SASH1: variants seen among roughly 807,000 people sequenced by gnomAD.
The protein encoded by SASH1 is SAM and SH3 domain-containing protein 1.
A neutral mutation model predicts 125.2 loss-of-function variants in SASH1; 44 were observed. The observed-to-expected ratio is 0.35, with a 90% CI of 0.28 to 0.45. The LOEUF is 0.45. Ranked by LOEUF, SASH1 falls within the 20% of genes least tolerant of loss-of-function variation. The pLI, the probability that SASH1 is intolerant of heterozygous loss-of-function variation, is 1.00. For synonymous variants in SASH1, 639 were observed against 649.1 expected (o/e 0.98, Z 0.24); for missense variants, 1,426 against 1,614.5 (o/e 0.88, Z 2.00).
Position 148,549,636 on chromosome 6 carries a change from GT to G in SASH1, c.*1082del. ...TAATAAGGGAAGTCATGTATAAGAT[GT>G]TTTCTAAAAGACTTTTCAGTATTAC... On this transcript the variant is annotated 3_prime_UTR_variant, in exon 20 of 20. Coordinates refer to ENST00000367467, the MANE Select transcript of SASH1 (RefSeq NM_015278.5). The G allele has an allele frequency of 5.0e-6, 2 of 398,796 alleles. No individual in the cohort carries two copies. The highest frequency in any genetic ancestry group is 4.4e-6 in the Non-Finnish European group (1 of 226,008). The allele number at this position is 398,796 out of a possible 1,614,324, so 24.7% of individuals were successfully genotyped here.
intron 7 of SASH1, chr6:148,478,707 G>C (rs1778478342): frequency 6.6e-6 from 1 of 152,398 alleles, no homozygotes; most frequent in Non-Finnish European, 1.5e-5. Flanking sequence ...GCTTAGTGCA[G>C]ATGAGCAGGT....
rs1167820832 is a variant in SASH1, at chr6:148,551,791, T to A, written c.*3233T>A. 3.3e-5 allele frequency: 5 copies of A among 152,670 alleles called. No homozygotes were observed. Among genetic ancestry groups the A allele is most frequent in the Non-Finnish European group, 2.9e-5 (2 of 68,042 alleles). 9.5% of individuals were successfully genotyped at this position (152,670 alleles called of 1,614,324 possible). ...CACTTTCTGTATATGAAATCAATAT[T>A]TAAATAACTTATTTTTCTCCATTGC... On this transcript the variant is annotated 3_prime_UTR_variant, in exon 20 of 20. Transcript: ENST00000367467.
chr6:148,198,110 A>G, the SASH1 span, among the ~76,000 whole-genome samples: 2 of 152,156 alleles, frequency 1.3e-5, no homozygotes, highest in African/African-American at 4.8e-5. Flanking sequence ...TCAGCCTCCC[A>G]AAGTGCTGCA....
intron 5 of SASH1, among the ~76,000 whole-genome samples, chr6:148,469,530 C>T (rs532375322): frequency 2.0e-5 from 3 of 151,988 alleles, no homozygotes; most frequent in South Asian, 2.1e-4. Context: ...CCCAGGAGTT[C>T]GAGACTGACC....
At position 148,524,121 on chromosome 6, in the gene SASH1, A is replaced by ATT. The variant is rs796565408; in HGVS notation, c.1210-1163_1210-1162dup. On this transcript the variant is annotated intron_variant, in intron 10 of 19. Coordinates refer to ENST00000367467, the MANE Select transcript of SASH1 (RefSeq NM_015278.5). ...ATTATATATATATATATATATATAT[A>ATT]TTTTTTTTAATGAATAAGCAATGCT... 5.8e-3 allele frequency among the ~76,000 whole-genome samples: 741 copies of ATT among 128,568 alleles called. 3 individuals are homozygous for ATT. Among genetic ancestry groups the ATT allele is most frequent in the African/African-American group, 9.7e-3 (346 of 35,726 alleles). The allele number at this position is 128,568 out of a possible 152,430, so 84.3% of individuals were successfully genotyped here. A position where few individuals can be genotyped will look rare whatever the true frequency, so the allele number is the denominator to read the frequency against.
chr6:148,400,062 A>G (rs1393312581), intron 2 of SASH1, among the ~76,000 whole-genome samples: 1 of 152,268 alleles, frequency 6.6e-6, no homozygotes. Context: ...TAGAGGCAGT[A>G]TGATCTGAAG....
chr6:148,442,261 G>A (rs1489599238), intron 4 of SASH1, among the ~76,000 whole-genome samples: 4 of 147,894 alleles, frequency 2.7e-5, no homozygotes, highest in Admixed American at 6.8e-5. Context: ...CCCAAAATTA[G>A]CCAGGTGTGG....
intron 1 of SASH1, among the ~76,000 whole-genome samples, chr6:148,376,751 C>T (rs1033819672): frequency 1.3e-5 from 2 of 152,088 alleles, no homozygotes. Flanking sequence ...GTAGTCCCAG[C>T]TACTCGGGAG....
In SASH1 at chr6:148,449,078, C is replaced by CTTTTTTTTTTTTTTTTTTTTTTTTTTT; in HGVS notation, c.386+8686_386+8687insTTTTTTTTTTTTTTTTTTTTTTTTTTT. The stretch of plus-strand genomic sequence containing the variant: ...GAGACTGGCTAATTTCATTTCATTT[C>CTTTTTTTTTTTTTTTTTTTTTTTTTTT]TTTTTTTTTTTTTTTGGAGACAGAG... On this transcript the variant is annotated intron_variant, in intron 4 of 19. Coordinates refer to ENST00000367467, the MANE Select transcript of SASH1 (RefSeq NM_015278.5). Among the ~76,000 whole-genome samples, 80 of 88,682 alleles carry CTTTTTTTTTTTTTTTTTTTTTTTTTTT rather than the reference C, an allele frequency of 9.0e-4. 3 individuals carry two copies. Among genetic ancestry groups the CTTTTTTTTTTTTTTTTTTTTTTTTTTT allele is most frequent in the African/African-American group, 1.0e-3 (24 of 23,204 alleles). 58.2% of individuals were successfully genotyped at this position (88,682 alleles called of 152,430 possible). A position where few individuals can be genotyped will look rare whatever the true frequency, so the allele number is the denominator to read the frequency against.
Position 148,421,195 on chromosome 6 carries a change from AAG to A in SASH1, c.286-18987_286-18986del, listed in dbSNP as rs1392510880. Among the ~76,000 whole-genome samples, 21 of 145,796 alleles carry A rather than the reference AAG, an allele frequency of 1.4e-4. No individual in the cohort carries two copies. The East Asian group carries it at 3.5e-3, about 25-fold the overall frequency. On this transcript the variant is annotated intron_variant, in intron 2 of 19. Coordinates refer to ENST00000367467, the MANE Select transcript of SASH1 (RefSeq NM_015278.5). Reference sequence around the variant, plus strand: ...AAAGAAAGAAAGAAAGAAAGAAAGAAAGAAAGAAAGAAAGAAAGAAAAAGAAA... The same window carrying A: ...AAAGAAAGAAAGAAAGAAAGAAAGAAAAAGAAAGAAAGAAAGAAAAAGAAA...
At chr6:148,337,630 G>A (rs1247600379) in intron 1 of SASH1, among the ~76,000 whole-genome samples, 3 of 152,186 alleles carry the variant, frequency 2.0e-5, no homozygotes, top group Middle Eastern at 3.4e-3. Flanking sequence ...TCAAAGTGCC[G>A]GGATTACAGA....
At chr6:148,490,939 C>T (rs1314840708) in intron 8 of SASH1, among the ~76,000 whole-genome samples, 1 of 152,194 alleles carries the variant, frequency 6.6e-6, no homozygotes, top group African/African-American at 2.4e-5. Flanking sequence ...CTTTAACTCA[C>T]ATAATTTTCT....
intron 4 of SASH1, among the ~76,000 whole-genome samples, chr6:148,443,337 C>T (rs1297928598): frequency 3.0e-5 from 4 of 131,716 alleles, no homozygotes; most frequent in Admixed American, 8.0e-5. Flanking sequence ...CCGTGATGTC[C>T]GTTTATTTCA....
chr6:148,291,711 T>G (rs1203066118), intron 1 of SASH1, among the ~76,000 whole-genome samples: 1 of 152,068 alleles, frequency 6.6e-6, no homozygotes, highest in Non-Finnish European at 1.5e-5. Flanking sequence ...AAACAGTGTA[T>G]TTATGACTCG....
intron 1 of SASH1, among the ~76,000 whole-genome samples, chr6:148,380,873 A>G (rs1181285320): frequency 6.6e-6 from 1 of 152,174 alleles, no homozygotes; most frequent in Non-Finnish European, 1.5e-5. Flanking sequence ...AAAATAAACT[A>G]ATGGCCACAC....
rs558121554 is a variant in SASH1 at position 148,544,549 on chromosome 6, G to A, written c.3079G>A (p.Ala1027Thr). The change falls in exon 18 of 20, where the codon GCC (alanine) becomes ACC (threonine). Residue 1027 changes from alanine (A) to threonine (T), a missense_variant. Coordinates refer to ENST00000367467, the MANE Select transcript of SASH1 (RefSeq NM_015278.5). The surrounding 1 kb of genome is among the most constrained non-coding windows in gnomAD (Gnocchi z 6.4). ...CCTGCCAGTGAAAAGGGGCAGCCCC[G>A]CCAGCCCCACCAGCCCTAGCGACTG... ...PCLPVKRGSP[A>T]SPTSPSDCPP... 2.8e-5 allele frequency: 45 copies of A among 1,612,886 alleles called. No homozygotes were observed. The highest frequency in any genetic ancestry group is 1.3e-4 in the African/African-American group (10 of 75,006).
At chr6:148,247,930 C>G in the SASH1 span, among the ~76,000 whole-genome samples, 1 of 152,202 alleles carries the variant, frequency 6.6e-6, no homozygotes, top group African/African-American at 2.4e-5. Context: ...ACCATCTGTT[C>G]TGAGCATGGT....
chr6:148,218,317 G>A, the SASH1 span, among the ~76,000 whole-genome samples: 2 of 152,138 alleles, frequency 1.3e-5, no homozygotes, highest in Admixed American at 6.5e-5. Context: ...TAAACACATC[G>A]CCACAGATGG....
chr6:148,362,709 G>C (rs1474542828), intron 1 of SASH1, among the ~76,000 whole-genome samples: 1 of 152,040 alleles, frequency 6.6e-6, no homozygotes, highest in African/African-American at 2.4e-5. Context: ...TTAGTCAGGT[G>C]TGGTGGCGTG....
Sources: gnomAD v4.1 joint callset for allele counts (sites outside exome capture counted in the v4.1 genomes callset) on GRCh38, gnomAD v4.1.1 for gene constraint, Gnocchi (gnomAD v3.1) non-coding constraint, MANE v1.5 for transcripts, NCBI Gene and HGNC (gene_info 2026-07-23, HGNC 2026-07-21) for gene names.